BMPR2: variants seen among roughly 807,000 people sequenced by gnomAD.
BMPR2 encodes the protein bone morphogenetic protein receptor type 2.
A neutral mutation model predicts 100.8 loss-of-function variants in BMPR2; 29 were observed. The observed-to-expected ratio is 0.29, with a 90% CI of 0.21 to 0.39. BMPR2 has a LOEUF of 0.39. Among genes scored for constraint, BMPR2 ranks in the 10% least tolerant of loss-of-function variants. The probability of loss-of-function intolerance (pLI) is 1.00; values close to 1 mark genes in which losing one functional copy is unlikely to be tolerated. For synonymous variants in BMPR2, 382 were observed against 442.3 expected (o/e 0.86, Z 1.71); for missense variants, 1,011 against 1,274.5 (o/e 0.79, Z 3.15).
intron 3 of BMPR2, among the ~76,000 whole-genome samples, chr2:202,501,215 C>T (rs137990570): frequency 2.4e-3 from 360 of 152,274 alleles, no homozygotes; most frequent in Non-Finnish European, 3.2e-3. Context: ...CAGCAAGGAA[C>T]GAATACAGCC....
At chr2:202,411,189 A>G (rs1390536729) in intron 1 of BMPR2, among the ~76,000 whole-genome samples, 1 of 152,202 alleles carries the variant, frequency 6.6e-6, no homozygotes, top group African/African-American at 2.4e-5. Context: ...AACCTTTGTA[A>G]TGTAACACTG....
chr2:202,495,402 G>A lies in BMPR2; in HGVS notation c.419-18317G>A, dbSNP rs975223482. ...GTTGTCGTTCTGTCGACGGCCTGCC[G>A]GCGTGCGGGTGCCTATCGTTGTGCT... On this transcript the variant is annotated intron_variant, in intron 3 of 12. Transcript: ENST00000374580. The surrounding 1 kb of genome is among the most constrained non-coding windows in gnomAD (Gnocchi z 4.5). Among the ~76,000 whole-genome samples the A allele has an allele frequency of 4.6e-5, 7 of 152,204 alleles. No individual in the cohort carries two copies. The highest frequency in any genetic ancestry group is 2.1e-4 in the South Asian group (1 of 4,830).
rs1389602569 is a variant in BMPR2, at chr2:202,529,489, A to G, written c.968-1305A>G. On this transcript the variant is annotated intron_variant, in intron 7 of 12. Transcript: ENST00000374580. ...TTCCAATGTTTCCATGAGTTTTCCT[A>G]TATAAATATTAGCTCAAGATTGTAC... is the stretch of plus-strand genomic sequence containing the variant. Among the ~76,000 whole-genome samples, 7 of 152,326 alleles carry G rather than the reference A, an allele frequency of 4.6e-5. No individual in the cohort carries two copies. The East Asian group carries it at 7.7e-4, about 17-fold the overall frequency.
intron 3 of BMPR2, among the ~76,000 whole-genome samples, chr2:202,482,224 C>T (rs898483150): frequency 2.0e-5 from 3 of 152,134 alleles, no homozygotes; most frequent in African/African-American, 4.8e-5. Flanking sequence ...ATTCATCCAT[C>T]GTGGACACTT....
At chr2:202,545,119 A>G (rs1688351395) in intron 10 of BMPR2, among the ~76,000 whole-genome samples, 1 of 96,332 alleles carries the variant, frequency 1.0e-5, no homozygotes, top group Non-Finnish European at 2.3e-5. Context: ...AATTCCCACT[A>G]GACAAATATT....
intron 1 of BMPR2, among the ~76,000 whole-genome samples, chr2:202,459,013 A>G (rs1164271262): frequency 6.6e-6 from 1 of 152,198 alleles, no homozygotes; most frequent in Non-Finnish European, 1.5e-5. Context: ...TGCCAAATAT[A>G]AAGTTGTTTT....
At position 202,514,662 on chromosome 2, in the gene BMPR2, C is replaced by T. The variant is rs182301701; in HGVS notation, c.530-226C>T. Among the ~76,000 whole-genome samples, 186 of 152,290 alleles carry T rather than the reference C, an allele frequency of 1.2e-3. 1 individual carries two copies. Among genetic ancestry groups the T allele is most frequent in the African/African-American group, 4.2e-3 (176 of 41,560 alleles). ...GTTTTAAACTTTTAAAGTAAGTCATCATGGGAGTGTCTCCCAGAATTTGGC... is the reference window on the plus strand; with the variant it reads ...GTTTTAAACTTTTAAAGTAAGTCATTATGGGAGTGTCTCCCAGAATTTGGC... On this transcript the variant is annotated intron_variant, in intron 4 of 12. Coordinates refer to ENST00000374580, the MANE Select transcript of BMPR2 (RefSeq NM_001204.7).
intron 1 of BMPR2, among the ~76,000 whole-genome samples, chr2:202,392,146 C>T (rs1269852995): frequency 6.6e-6 from 1 of 151,734 alleles, no homozygotes; most frequent in Non-Finnish European, 1.5e-5. Flanking sequence ...TCTTGGCTCA[C>T]TGCGACCTCC....
At chr2:202,450,691 C>CAAA (rs761806972) in intron 1 of BMPR2, among the ~76,000 whole-genome samples, 11 of 41,188 alleles carry the variant, frequency 2.7e-4, no homozygotes, top group African/African-American at 4.8e-4. Context: ...AACTCCATCT[C>CAAA]AAAAAAAAAA....
At chr2:202,517,976 CTTTTTTT>C (rs67110605) in intron 5 of BMPR2, among the ~76,000 whole-genome samples, 2 of 88,462 alleles carry the variant, frequency 2.3e-5, no homozygotes, top group Admixed American at 1.3e-4. Flanking sequence ...CCACGCCTGA[CTTTTTTT>C]TTTTTTTTTT....
intron 1 of BMPR2, among the ~76,000 whole-genome samples, chr2:202,382,542 A>G (rs1022069208): frequency 1.3e-5 from 2 of 152,220 alleles, no homozygotes; most frequent in African/African-American, 4.8e-5. Flanking sequence ...AATTGCTTCC[A>G]GAGGACAGTA....
At chr2:202,411,975 T>A (rs902155401) in intron 1 of BMPR2, among the ~76,000 whole-genome samples, 1 of 152,146 alleles carries the variant, frequency 6.6e-6, no homozygotes, top group Non-Finnish European at 1.5e-5. Flanking sequence ...TTGATGAAAT[T>A]CAAATGAGAT....
At chr2:202,487,676 G>A (rs946090507) in intron 3 of BMPR2, among the ~76,000 whole-genome samples, 3 of 152,084 alleles carry the variant, frequency 2.0e-5, no homozygotes, top group African/African-American at 4.8e-5. Flanking sequence ...CAGTTTCCTC[G>A]AAGAAAATAC....
intron 1 of BMPR2, among the ~76,000 whole-genome samples, chr2:202,440,568 G>A (rs974560688): frequency 3.3e-5 from 5 of 150,662 alleles, no homozygotes; most frequent in East Asian, 1.9e-4. Context: ...ACGGGGTGGC[G>A]GCCGGGCAGA....
intron 1 of BMPR2, among the ~76,000 whole-genome samples, chr2:202,462,778 T>A (rs775648104): frequency 2.0e-5 from 3 of 152,034 alleles, no homozygotes; most frequent in Admixed American, 6.6e-5. Flanking sequence ...AGTGGTGCGA[T>A]CTCAGCTCAC....
At chr2:202,505,349 T>G (rs1288394110) in intron 3 of BMPR2, 1 of 151,590 alleles carries the variant, frequency 6.6e-6, no homozygotes, top group Non-Finnish European at 1.5e-5. Flanking sequence ...AGCTTTTTTT[T>G]TTTTTTTTTT....
chr2:202,408,759 G>A (rs1690951391), intron 1 of BMPR2, among the ~76,000 whole-genome samples: 2 of 152,196 alleles, frequency 1.3e-5, no homozygotes, highest in South Asian at 4.1e-4. Flanking sequence ...AAGGAAACAG[G>A]AAGATTATCC....
At chr2:202,502,274 T>G (rs918494691) in intron 3 of BMPR2, among the ~76,000 whole-genome samples, 11 of 152,040 alleles carry the variant, frequency 7.2e-5, no homozygotes, top group Non-Finnish European at 1.6e-4. Context: ...GGTGGGAATC[T>G]TACACTGACA....
At chr2:202,403,663 A>T (rs1296103461) in intron 1 of BMPR2, among the ~76,000 whole-genome samples, 1 of 152,204 alleles carries the variant, frequency 6.6e-6, no homozygotes, top group African/African-American at 2.4e-5. Context: ...TATTTTAAAA[A>T]GTTTCAAACC....
Sources: gnomAD v4.1 joint callset for allele counts (sites outside exome capture counted in the v4.1 genomes callset) on GRCh38, gnomAD v4.1.1 for gene constraint, Gnocchi (gnomAD v3.1) non-coding constraint, MANE v1.5 for transcripts, NCBI Gene and HGNC (gene_info 2026-07-23, HGNC 2026-07-21) for gene names.